The following JAK1 variants were observed in gnomAD, a reference collection of about 807,000 sequenced individuals.
JAK1 encodes tyrosine-protein kinase JAK1.
In JAK1, 16 loss-of-function variants were observed where a neutral mutation model predicts 136.6. That is an observed-to-expected ratio of 0.12 (90% CI 0.08 to 0.18). The LOEUF (loss-of-function observed/expected upper bound fraction) is 0.18, where lower values mean the gene tolerates loss of function less well. Among genes scored for constraint, JAK1 ranks in the 10% least tolerant of loss-of-function variants. The pLI is 1.00. For synonymous variants in JAK1, 492 were observed against 519.5 expected (o/e 0.95, Z 0.72); for missense variants, 859 against 1,450.1 (o/e 0.59, Z 6.62).
At position 65,033,651 on chromosome 1, in the gene JAK1, G is replaced by A. The variant is rs184323808; in HGVS notation, c.-78+10829C>T. 5.3e-3 allele frequency among the ~76,000 whole-genome samples: 802 copies of A among 150,854 alleles called. 5 individuals are homozygous for A. The highest frequency in any genetic ancestry group is 0.019 in the African/African-American group (771 of 40,876). On this transcript the variant is annotated intron_variant, in intron 2 of 25. Transcript: ENST00000671954. ...GCCTGTAATCCCAGTGCTTTGGGAG[G>A]CCGAGGCAGGAGGACTGCTTGAGGC...
chr1:64,840,350 G>A (rs1285689486), intron 19 of JAK1, among the ~76,000 whole-genome samples: 1 of 152,160 alleles, frequency 6.6e-6, no homozygotes, highest in Non-Finnish European at 1.5e-5. Flanking sequence ...CTGGCACAGT[G>A]GCTGGCACAC....
At chr1:64,865,998 G>A (rs1656680254) in intron 7 of JAK1, among the ~76,000 whole-genome samples, 2 of 152,178 alleles carry the variant, frequency 1.3e-5, no homozygotes, top group South Asian at 4.1e-4. Context: ...CGGCTCAAGT[G>A]ATCTGCCTGC....
At chr1:64,856,561 T>C (rs1344160416) in intron 10 of JAK1, among the ~76,000 whole-genome samples, 5 of 152,200 alleles carry the variant, frequency 3.3e-5, no homozygotes, top group African/African-American at 1.2e-4. Flanking sequence ...CTCTTGGTAC[T>C]GCACAGGCCA....
chr1:64,928,797 C>CAAAAAAAA (rs397953329), intron 1 of JAK1, among the ~76,000 whole-genome samples: 2 of 80,814 alleles, frequency 2.5e-5, no homozygotes, highest in African/African-American at 8.4e-5. Context: ...AAAAAAAAAA[C>CAAAAAAAA]AAAAAAAAAA....
At chr1:65,038,193 C>CT (rs1390554574) in intron 2 of JAK1, among the ~76,000 whole-genome samples, 2 of 143,052 alleles carry the variant, frequency 1.4e-5, no homozygotes, top group African/African-American at 5.2e-5. Flanking sequence ...TTTCTTTTTT[C>CT]TTTTCTTTTT....
In JAK1 at chr1:65,017,541, T is replaced by G. The variant is rs186860793; in HGVS notation, c.-78+26939A>C. ...ATTAATAAAACTGATCTAATAGAGA[T>G]TATCTATATTTCATTCAACAACTGC... On this transcript the variant is annotated intron_variant, in intron 2 of 25. Coordinates refer to the JAK1 transcript ENST00000671954. Among the ~76,000 whole-genome samples the G allele has an allele frequency of 5.3e-5, 8 of 152,154 alleles. 1 individual carries two copies. In the East Asian group the frequency reaches 1.5e-3, roughly 29 times the overall value.
At chr1:65,052,118 ATTTTTTTTTTT>A (rs71056073) in intron 1 of JAK1, among the ~76,000 whole-genome samples, 12 of 93,574 alleles carry the variant, frequency 1.3e-4, no homozygotes, top group African/African-American at 3.8e-4. Context: ...ACGCCTGGCT[ATTTTTTTTTTT>A]TTTTTTTTTT....
chr1:64,931,527 C>T (rs1645692445), intron 1 of JAK1, among the ~76,000 whole-genome samples: 1 of 151,914 alleles, frequency 6.6e-6, no homozygotes, highest in Middle Eastern at 3.2e-3. Flanking sequence ...GGTGGGTGTC[C>T]TACCATGGTG....
chr1:65,044,739 T>C (rs1445762261), intron 1 of JAK1, among the ~76,000 whole-genome samples: 1 of 152,124 alleles, frequency 6.6e-6, no homozygotes, highest in African/African-American at 2.4e-5. Context: ...TGGGCGGCAG[T>C]ACAAGAGAGG....
chr1:64,928,789 A>AAAAAAAAAAAC, intron 1 of JAK1, among the ~76,000 whole-genome samples: 1 of 123,192 alleles, frequency 8.1e-6, no homozygotes, highest in Admixed American at 7.5e-5. Flanking sequence ...AAAAAAAAAA[A>AAAAAAAAAAAC]AAAAAAACAA....
At chr1:64,857,306 A>C (rs1308830137) in intron 10 of JAK1, among the ~76,000 whole-genome samples, 1 of 152,254 alleles carries the variant, frequency 6.6e-6, no homozygotes, top group Non-Finnish European at 1.5e-5. Context: ...TGATGGTGGC[A>C]CTGAGTCTAA....
chr1:64,985,250 G>C, intron 2 of JAK1: 2 of 1,605,044 alleles, frequency 1.2e-6, no homozygotes, highest in Non-Finnish European at 1.7e-6. Flanking sequence ...TGATTACAGA[G>C]AGCTGCTGAG....
chr1:64,974,155 G>C (rs565421459), intron 2 of JAK1: 12 of 152,184 alleles, frequency 7.9e-5, no homozygotes, highest in African/African-American at 2.9e-4. Context: ...TCACACATTT[G>C]GTATTGTCCT....
chr1:64,947,343 C>T (rs1010028080), intron 1 of JAK1, among the ~76,000 whole-genome samples: 1 of 152,222 alleles, frequency 6.6e-6, no homozygotes, highest in African/African-American at 2.4e-5. Context: ...CAGTGTCCCA[C>T]CTGACCCCCA....
At chr1:64,882,375 T>C (rs941077395) in intron 3 of JAK1, among the ~76,000 whole-genome samples, 2 of 152,238 alleles carry the variant, frequency 1.3e-5, no homozygotes, top group African/African-American at 4.8e-5. Context: ...TACGGCATCA[T>C]AAATGGCTAC....
intron 2 of JAK1, chr1:65,022,962 A>G (rs1230227102): frequency 1.3e-5 from 2 of 152,276 alleles, no homozygotes; most frequent in Non-Finnish European, 2.9e-5. Context: ...AAAGTGAGGA[A>G]GCAGTAAACA....
At chr1:64,928,227 G>A (rs1474799522) in intron 1 of JAK1, among the ~76,000 whole-genome samples, 1 of 152,190 alleles carries the variant, frequency 6.6e-6, no homozygotes, top group African/African-American at 2.4e-5. Context: ...TTCCTTCACT[G>A]CCACCTTTTA....
intron 1 of JAK1, among the ~76,000 whole-genome samples, chr1:64,946,164 T>G (rs1645982586): frequency 6.6e-6 from 1 of 151,670 alleles, no homozygotes; most frequent in African/African-American, 2.4e-5. Context: ...AAGAGGGAGA[T>G]CTACCACCCA....
At chr1:64,955,729 T>TA (rs1314201646) in intron 1 of JAK1, among the ~76,000 whole-genome samples, 13 of 152,114 alleles carry the variant, frequency 8.5e-5, no homozygotes, top group Non-Finnish European at 1.8e-4. Flanking sequence ...CACATGGACA[T>TA]AGAGTGCGCA....
Sources: allele counts gnomAD v4.1 joint callset (sites outside exome capture counted in the v4.1 genomes callset), GRCh38; gene constraint gnomAD v4.1.1; transcripts MANE v1.5; gene names NCBI Gene and HGNC (gene_info 2026-07-23, HGNC 2026-07-21).